COL19A1: variants seen among roughly 807,000 people sequenced by gnomAD.
COL19A1 encodes collagen alpha-1(XIX) chain.
Under a neutral mutation model 190.2 loss-of-function variants are expected in COL19A1, and 159 were observed. That is an observed-to-expected ratio of 0.84 (90% CI 0.73 to 0.95). The LOEUF (loss-of-function observed/expected upper bound fraction) is 0.95, where lower values mean the gene tolerates loss of function less well. Among genes scored for constraint, COL19A1 ranks in the 40% least tolerant of loss-of-function variants. The pLI is 0.00. For synonymous variants in COL19A1, 509 were observed against 458.9 expected, an observed-to-expected ratio of 1.11 and a Z score of -1.39; for missense variants, 1,418 against 1,431.9, an observed-to-expected ratio of 0.99 and a Z score of 0.16.
intron 17 of COL19A1, 135 bp downstream of exon 17, chr6:70,122,077 T>C: frequency 7.5e-6 from 4 of 536,376 alleles, no homozygotes; most frequent in Non-Finnish European, 1.3e-5. Context: ...CTTTCCATAC[T>C]GAAAGCTATG....
At chr6:70,038,380 A>T (rs1779465206) in intron 14 of COL19A1, among the ~76,000 whole-genome samples, 1 of 152,250 alleles carries the variant, frequency 6.6e-6, no homozygotes, top group African/African-American at 2.4e-5. Flanking sequence ...GCAAGAGTTG[A>T]GAACCATTAT....
At chr6:70,045,246 G>T (rs926172111) in intron 14 of COL19A1, among the ~76,000 whole-genome samples, 2 of 150,244 alleles carry the variant, frequency 1.3e-5, no homozygotes, top group Non-Finnish European at 3.0e-5. Flanking sequence ...CTGGGAGGTG[G>T]AGGTTGTGGT....
At chr6:70,174,277 A>G (rs893374214) in intron 41 of COL19A1, among the ~76,000 whole-genome samples, 2 of 152,150 alleles carry the variant, frequency 1.3e-5, no homozygotes, top group African/African-American at 2.4e-5. Context: ...CAACAAGACT[A>G]TGTGTGCTGG....
At chr6:70,154,526 T>C (rs1296704511) in intron 31 of COL19A1, among the ~76,000 whole-genome samples, 1 of 152,158 alleles carries the variant, frequency 6.6e-6, no homozygotes, top group Non-Finnish European at 1.5e-5. Flanking sequence ...CCTCATGTAT[T>C]CATCAGGGTT....
intron 27 of COL19A1, among the ~76,000 whole-genome samples, chr6:70,147,233 T>C (rs1786721158): frequency 6.6e-6 from 1 of 152,202 alleles, no homozygotes; most frequent in African/African-American, 2.4e-5. Context: ...ACAGCTTGTT[T>C]TTAATTAAGT....
chr6:69,891,796 A>G (rs1291705048), intron 2 of COL19A1, among the ~76,000 whole-genome samples: 1 of 152,220 alleles, frequency 6.6e-6, no homozygotes, highest in Non-Finnish European at 1.5e-5. Flanking sequence ...TCCATGAAAC[A>G]GGAAGCTAGG....
chr6:69,955,793 T>C (rs9454926), intron 9 of COL19A1, among the ~76,000 whole-genome samples: 102 of 152,170 alleles, frequency 6.7e-4, no homozygotes, highest in African/African-American at 2.4e-3. Context: ...AGGGATGTCA[T>C]GTATAAGACC....
At chr6:70,196,884 T>C (rs1767232232) in intron 48 of COL19A1, among the ~76,000 whole-genome samples, 1 of 152,318 alleles carries the variant, frequency 6.6e-6, no homozygotes, top group Non-Finnish European at 1.5e-5. Flanking sequence ...TTGTAAATTA[T>C]AGAGCATTAG....
intron 11 of COL19A1, among the ~76,000 whole-genome samples, chr6:70,010,344 A>T (rs1183152475): frequency 6.7e-6 from 1 of 149,518 alleles, no homozygotes; most frequent in Non-Finnish European, 1.5e-5. Context: ...AAAACAAAGC[A>T]AACGAGGGAG....
chr6:70,185,820 C>T (rs802189), intron 46 of COL19A1, among the ~76,000 whole-genome samples: 115,852 of 151,950 alleles, frequency 0.76, 45,006 homozygotes, highest in African/African-American at 0.91. Flanking sequence ...GTGTCTAGTT[C>T]GCTAACTTTT....
intron 6 of COL19A1, among the ~76,000 whole-genome samples, chr6:69,931,094 A>C (rs1202136797): frequency 6.6e-6 from 1 of 152,188 alleles, no homozygotes; most frequent in Non-Finnish European, 1.5e-5. Flanking sequence ...ATCTCTGTAC[A>C]AGCTCTGTGA....
Position 70,141,913 on chromosome 6 carries a change from A to T in COL19A1, c.1503A>T (p.Gly501=). 6.2e-7 allele frequency: 1 copy of T among 1,602,118 alleles called. No individual in the cohort carries two copies. Among genetic ancestry groups the T allele is most frequent in the South Asian group, 1.1e-5 (1 of 90,834 alleles). The change falls in exon 21 of 51, where the codon GGA becomes GGT. Residue 501 remains glycine, a synonymous_variant. Transcript: ENST00000620364. ...KGDRGEPGVI[G]SQGVKGEPGD... is the part of the protein sequence containing the mutation. ...TACAGGGAGAACCTGGGGTAATAGGATCACAGGGAGTAAAGGTAATTTCCT... is the reference window on the plus strand; with the variant it reads ...TACAGGGAGAACCTGGGGTAATAGGTTCACAGGGAGTAAAGGTAATTTCCT...
At chr6:69,913,954 G>A (rs1435125033) in intron 4 of COL19A1, among the ~76,000 whole-genome samples, 1 of 150,836 alleles carries the variant, frequency 6.6e-6, no homozygotes, top group Non-Finnish European at 1.5e-5. Context: ...TTTAATCCAG[G>A]GTTAAAAAAA....
chr6:70,002,128 G>A (rs1411527690), intron 11 of COL19A1, among the ~76,000 whole-genome samples: 1 of 152,074 alleles, frequency 6.6e-6, no homozygotes, highest in East Asian at 1.9e-4. Flanking sequence ...ATAATCATGT[G>A]GTTTTTGTCT....
intron 27 of COL19A1, among the ~76,000 whole-genome samples, chr6:70,148,136 T>C (rs1294694116): frequency 6.6e-6 from 1 of 152,044 alleles, no homozygotes; most frequent in Non-Finnish European, 1.5e-5. Context: ...TTATAGAGGC[T>C]TCATCATGTC....
At chr6:69,896,026 G>C (rs192257055) in intron 2 of COL19A1, among the ~76,000 whole-genome samples, 1 of 152,034 alleles carries the variant, frequency 6.6e-6, no homozygotes, top group Non-Finnish European at 1.5e-5. Flanking sequence ...TATATATTTA[G>C]CTTTAGTAAA....
intron 14 of COL19A1, among the ~76,000 whole-genome samples, chr6:70,066,454 G>C (rs1306937642): frequency 6.6e-6 from 1 of 152,092 alleles, no homozygotes; most frequent in East Asian, 1.9e-4. Context: ...GTTGTGGGGT[G>C]GGGGGAGTGG....
chr6:69,907,752 G>A (rs1770657004), intron 4 of COL19A1, among the ~76,000 whole-genome samples: 1 of 152,166 alleles, frequency 6.6e-6, no homozygotes. Context: ...TTGCTAAAGG[G>A]TGAATAAGAG....
chr6:70,141,081 G>T, intron 20 of COL19A1, 92 bp downstream of exon 20: 1 of 1,154,764 alleles, frequency 8.7e-7, no homozygotes, highest in Admixed American at 2.2e-5. Context: ...GAGTCTAATA[G>T]ATTTGATTAA....
Sources: allele counts gnomAD v4.1 joint callset (sites outside exome capture counted in the v4.1 genomes callset), GRCh38; gene constraint gnomAD v4.1.1; transcripts MANE v1.5; gene names NCBI Gene and HGNC (gene_info 2026-07-23, HGNC 2026-07-21).